Variants in QTMAN observed in about 807,000 individuals in gnomAD.
QTMAN encodes the protein queuosine-tRNA mannosyltransferase.
At chr2:144,173,033 A>T in the QTMAN span, among the ~76,000 whole-genome samples, 1 of 152,190 alleles carries the variant, frequency 6.6e-6, no homozygotes, top group Non-Finnish European at 1.5e-5. Context: ...TAGACACAGA[A>T]TTCTAGGTGG....
At chr2:144,216,558 C>T in the QTMAN span, among the ~76,000 whole-genome samples, 18 of 152,164 alleles carry the variant, frequency 1.2e-4, no homozygotes, top group Non-Finnish European at 2.2e-4. Flanking sequence ...GAAGTCTAAA[C>T]TAAATCAAGC....
the QTMAN span, chr2:144,208,932 G>T: frequency 1.9e-6 from 1 of 522,976 alleles, no homozygotes; most frequent in South Asian, 3.5e-5. Flanking sequence ...TTTCAAAATA[G>T]GCTTATCCCA....
the QTMAN span, among the ~76,000 whole-genome samples, chr2:143,991,895 G>A: frequency 3.1e-3 from 440 of 143,772 alleles, no homozygotes; most frequent in Non-Finnish European, 5.2e-3. Context: ...CAGCCACCCC[G>A]TCCGGGAGGG....
chr2:144,041,685 C>G, the QTMAN span, among the ~76,000 whole-genome samples: 1 of 152,062 alleles, frequency 6.6e-6, no homozygotes, highest in Non-Finnish European at 1.5e-5. Context: ...ATAGTGAAGG[C>G]ACAAAAAAGT....
chr2:143,951,116 TAGA>T, the QTMAN span: 1 of 151,986 alleles, frequency 6.6e-6, no homozygotes, highest in Non-Finnish European at 1.5e-5. Context: ...GTATTTCATG[TAGA>T]AGGTTATATA....
At chr2:144,320,756 C>T in the QTMAN span, among the ~76,000 whole-genome samples, 2 of 152,166 alleles carry the variant, frequency 1.3e-5, no homozygotes, top group Admixed American at 1.3e-4. Flanking sequence ...TGAACTATGC[C>T]AGCTGATCAT....
chr2:144,315,418 G>A, the QTMAN span, among the ~76,000 whole-genome samples: 1 of 152,124 alleles, frequency 6.6e-6, no homozygotes, highest in African/African-American at 2.4e-5. Context: ...GAACAAATGG[G>A]AACAATCAGC....
chr2:144,313,287 C>G, the QTMAN span, among the ~76,000 whole-genome samples: 8 of 152,180 alleles, frequency 5.3e-5, no homozygotes, highest in Non-Finnish European at 1.2e-4. Flanking sequence ...TTTTACTAAG[C>G]CCCACATCCC....
chr2:144,191,086 G>A, the QTMAN span, among the ~76,000 whole-genome samples: 6 of 152,140 alleles, frequency 3.9e-5, no homozygotes, highest in Admixed American at 1.3e-4. Context: ...ACTAACAAAT[G>A]GTAACAGTTT....
the QTMAN span, among the ~76,000 whole-genome samples, chr2:144,229,319 CT>C: frequency 6.6e-6 from 1 of 152,124 alleles, no homozygotes; most frequent in African/African-American, 2.4e-5. Flanking sequence ...CTTGTTCTGC[CT>C]TTTTTGTTGA....
the QTMAN span, among the ~76,000 whole-genome samples, chr2:144,277,198 A>G: frequency 6.6e-6 from 1 of 152,000 alleles, no homozygotes; most frequent in Non-Finnish European, 1.5e-5. Flanking sequence ...TATTTCATAT[A>G]TTTATTTTTA....
the QTMAN span, among the ~76,000 whole-genome samples, chr2:144,192,089 A>G: frequency 1.3e-5 from 2 of 151,936 alleles, no homozygotes; most frequent in East Asian, 3.9e-4. Flanking sequence ...GTGAAAAGTT[A>G]GAGGTGTTTA....
At chr2:144,092,870 G>GTGTGTGTGTGTGTGTGTGT in the QTMAN span, among the ~76,000 whole-genome samples, 6 of 140,644 alleles carry the variant, frequency 4.3e-5, no homozygotes, top group South Asian at 2.4e-4. Context: ...AAACTTTTGG[G>GTGTGTGTGTGTGTGTGTGT]GTGTGTGTGT....
the QTMAN span, among the ~76,000 whole-genome samples, chr2:144,264,165 G>A: frequency 6.6e-5 from 10 of 152,084 alleles, no homozygotes; most frequent in East Asian, 1.9e-4. Flanking sequence ...AACACAAAGC[G>A]GATAAATTAT....
the QTMAN span, among the ~76,000 whole-genome samples, chr2:144,001,188 G>T: frequency 6.6e-6 from 1 of 151,958 alleles, no homozygotes; most frequent in Admixed American, 6.6e-5. Context: ...TTAAACCTCA[G>T]AGAGTCAAAG....
At chr2:144,052,619 G>A in the QTMAN span, among the ~76,000 whole-genome samples, 191 of 152,244 alleles carry the variant, frequency 1.3e-3, no homozygotes, top group African/African-American at 4.5e-3. Flanking sequence ...TTGATTCTGT[G>A]TCTGTAAAGT....
At chr2:143,963,422 G>C in the QTMAN span, among the ~76,000 whole-genome samples, 1 of 151,432 alleles carries the variant, frequency 6.6e-6, no homozygotes, top group Non-Finnish European at 1.5e-5. Flanking sequence ...GTTATCATAA[G>C]TTTGTGGGCT....
chr2:143,951,218 G>A, the QTMAN span, among the ~76,000 whole-genome samples: 5 of 151,532 alleles, frequency 3.3e-5, no homozygotes, highest in East Asian at 1.9e-4. Context: ...TGCTACATTC[G>A]AAGAATATAA....
chr2:144,182,165 G>A, the QTMAN span, among the ~76,000 whole-genome samples: 1 of 152,122 alleles, frequency 6.6e-6, no homozygotes, highest in Admixed American at 6.5e-5. Flanking sequence ...ACAGCACAAT[G>A]AAAAATATTC....
Sources: allele counts gnomAD v4.1 joint callset (sites outside exome capture counted in the v4.1 genomes callset), GRCh38; gene constraint gnomAD v4.1.1; transcripts MANE v1.5; gene names NCBI Gene and HGNC (gene_info 2026-07-23, HGNC 2026-07-21).